RRP15: variants seen among roughly 807,000 people sequenced by gnomAD.
RRP15 encodes ribosomal RNA processing 15 homolog.
In RRP15, 18 loss-of-function variants were observed where a neutral mutation model predicts 27.1. The ratio of observed to expected loss-of-function variants is 0.66; its 90% CI spans 0.46 to 0.98. RRP15 has a LOEUF of 0.98. Ranked by LOEUF, RRP15 falls within the 50% of genes least tolerant of loss-of-function variation. RRP15 has a pLI of 0.00. For synonymous variants in RRP15, 107 were observed against 109.4 expected, an observed-to-expected ratio of 0.98 and a Z score of 0.14; for missense variants, 359 against 337.8, an observed-to-expected ratio of 1.06 and a Z score of -0.49.
intron 1 of RRP15, among the ~76,000 whole-genome samples, chr1:218,285,866 C>T (rs548390302): frequency 6.6e-6 from 1 of 151,960 alleles, no homozygotes; most frequent in Non-Finnish European, 1.5e-5. Context: ...ACTTTTTGTG[C>T]GGTAGATGTG....
chr1:218,326,676 C>T (rs943282765), intron 4 of RRP15, among the ~76,000 whole-genome samples: 1 of 152,116 alleles, frequency 6.6e-6, no homozygotes, highest in African/African-American at 2.4e-5. Flanking sequence ...GTCTGCGTAC[C>T]AGCATTTTGG....
intron 1 of RRP15, among the ~76,000 whole-genome samples, chr1:218,289,860 T>A (rs1655607086): frequency 6.6e-6 from 1 of 152,106 alleles, no homozygotes; most frequent in African/African-American, 2.4e-5. Context: ...TTTTGTATTT[T>A]TAGTAGAGAC....
intron 4 of RRP15, among the ~76,000 whole-genome samples, chr1:218,326,854 G>A (rs1656281597): frequency 6.6e-6 from 1 of 152,186 alleles, no homozygotes; most frequent in South Asian, 2.1e-4. Flanking sequence ...AATGGGATGG[G>A]GAAGTAGAGC....
chr1:218,332,967 A>G lies in RRP15; in HGVS notation c.*1876A>G, dbSNP rs1451685230. 7 of 152,028 alleles carry G rather than the reference A, an allele frequency of 4.6e-5. No homozygotes were observed. Among genetic ancestry groups the G allele is most frequent in the African/African-American group, 7.2e-5 (3 of 41,412 alleles). 9.4% of individuals were successfully genotyped at this position (152,028 alleles called of 1,614,324 possible). On this transcript the variant is annotated 3_prime_UTR_variant, in exon 5 of 5. Transcript: ENST00000366932. ...TTAATGTGTTTCTGCGTTATACTAG[A>G]GTTTTGCAGGAATTTTTCTGAATAG...
At chr1:218,308,075 T>C (rs1191324733) in intron 4 of RRP15, among the ~76,000 whole-genome samples, 2 of 130,750 alleles carry the variant, frequency 1.5e-5, no homozygotes, top group African/African-American at 5.6e-5. Flanking sequence ...TTTTTTTTTT[T>C]TTTTTTTTTT....
chr1:218,313,988 TTTTA>T, intron 4 of RRP15, among the ~76,000 whole-genome samples: 1 of 151,416 alleles, frequency 6.6e-6, no homozygotes, highest in South Asian at 2.1e-4. Context: ...TTTTATTTTA[TTTTA>T]TTTTATTTTA....
intron 4 of RRP15, among the ~76,000 whole-genome samples, chr1:218,317,621 C>T (rs1490294097): frequency 6.6e-6 from 1 of 151,770 alleles, no homozygotes; most frequent in Non-Finnish European, 1.5e-5. Flanking sequence ...TTGACTTTCT[C>T]TTCATTTGTC....
intron 4 of RRP15, among the ~76,000 whole-genome samples, chr1:218,307,898 A>G (rs1450791051): frequency 6.6e-6 from 1 of 152,014 alleles, no homozygotes; most frequent in East Asian, 1.9e-4. Context: ...GTAACTTACA[A>G]AATATGAAGA....
intron 1 of RRP15, among the ~76,000 whole-genome samples, chr1:218,289,630 G>T (rs1177325975): frequency 6.6e-6 from 1 of 152,082 alleles, no homozygotes; most frequent in Non-Finnish European, 1.5e-5. Context: ...TATCTATTTG[G>T]TTTAATTAAT....
intron 1 of RRP15, chr1:218,301,979 A>G (rs1378953383): frequency 3.5e-6 from 1 of 286,228 alleles, no homozygotes; most frequent in East Asian, 6.2e-5. Flanking sequence ...CACCAACTCC[A>G]TGCCAACATC....
At chr1:218,290,435 T>C (rs12080790) in intron 1 of RRP15, among the ~76,000 whole-genome samples, 4,469 of 152,020 alleles carry the variant, frequency 0.029, 87 homozygotes, top group East Asian at 0.072. Flanking sequence ...CTTATGTGGA[T>C]TTTTTTTGGG....
At position 218,320,918 on chromosome 1, in the gene RRP15, C is replaced by G. The variant is rs1180504063; in HGVS notation, c.706-10030C>G. On this transcript the variant is annotated intron_variant, in intron 4 of 4. Coordinates refer to ENST00000366932, the MANE Select transcript of RRP15 (RefSeq NM_016052.4). ...AGGTGAAACTGAGTTAAAATGAAAA[C>G]TGAACTTTCTTGTTAGGGAAAGCAA... Among the ~76,000 whole-genome samples the G allele has an allele frequency of 2.1e-5, 3 of 145,192 alleles. 1 individual carries two copies. The highest frequency in any genetic ancestry group is 2.0e-4 in the Admixed American group (3 of 14,984).
chr1:218,324,593 CAT>C (rs1184547457), intron 4 of RRP15, among the ~76,000 whole-genome samples: 2 of 152,246 alleles, frequency 1.3e-5, no homozygotes, highest in African/African-American at 2.4e-5. Context: ...ATCACTAACT[CAT>C]GTGCATATGT....
chr1:218,314,626 AG>A (rs1252059758), intron 4 of RRP15, among the ~76,000 whole-genome samples: 1 of 152,100 alleles, frequency 6.6e-6, no homozygotes, highest in Non-Finnish European at 1.5e-5. Flanking sequence ...TATCAATTTC[AG>A]GTTTTTTTTT....
chr1:218,288,934 A>G (rs991347143), intron 1 of RRP15, among the ~76,000 whole-genome samples: 3 of 152,264 alleles, frequency 2.0e-5, no homozygotes, highest in East Asian at 1.9e-4. Flanking sequence ...ACTCAATTGT[A>G]TAAGAGGCAC....
chr1:218,291,720 C>G (rs946169092), intron 1 of RRP15, among the ~76,000 whole-genome samples: 2 of 151,600 alleles, frequency 1.3e-5, no homozygotes, highest in Non-Finnish European at 2.9e-5. Context: ...TTAGTAGAGA[C>G]GGGGTTTCAA....
chr1:218,302,721 A>C, intron 2 of RRP15, 162 bp downstream of exon 2: 1 of 1,110,028 alleles, frequency 9.0e-7, no homozygotes, highest in South Asian at 1.7e-5. Context: ...AATTTAGTCT[A>C]AATTATTCCA....
intron 4 of RRP15, among the ~76,000 whole-genome samples, chr1:218,321,797 G>A (rs150439400): frequency 6.6e-5 from 10 of 151,692 alleles, no homozygotes; most frequent in East Asian, 5.8e-4. Flanking sequence ...AAGCTTTTCC[G>A]ATGAATGACA....
chr1:218,287,332 T>C (rs1204202665), intron 1 of RRP15, among the ~76,000 whole-genome samples: 1 of 152,144 alleles, frequency 6.6e-6, no homozygotes, highest in Non-Finnish European at 1.5e-5. Flanking sequence ...GGAACTGTTC[T>C]GACTTTTCAG....
Sources: allele counts gnomAD v4.1 joint callset (sites outside exome capture counted in the v4.1 genomes callset), GRCh38; gene constraint gnomAD v4.1.1; transcripts MANE v1.5; gene names NCBI Gene and HGNC (gene_info 2026-07-23, HGNC 2026-07-21).